The following PRKN variants were observed in gnomAD, a reference collection of about 807,000 sequenced individuals.
PRKN encodes E3 ubiquitin-protein ligase parkin.
In PRKN, 56 loss-of-function variants were observed where a neutral mutation model predicts 59.5. That is an observed-to-expected ratio of 0.94 (90% CI 0.76 to 1.18). The LOEUF (loss-of-function observed/expected upper bound fraction) is 1.18. PRKN is among the 50% of genes most tolerant of loss of function. The pLI, the probability that PRKN is intolerant of heterozygous loss-of-function variation, is 0.00. For missense variants in PRKN, 657 were observed against 596.4 expected (o/e 1.10, Z -1.06); for synonymous variants, 250 against 222.1 (o/e 1.13, Z -1.12).
chr6:161,638,670 A>C (rs1783617010), intron 7 of PRKN, among the ~76,000 whole-genome samples: 1 of 151,126 alleles, frequency 6.6e-6, no homozygotes, highest in African/African-American at 2.4e-5. Context: ...AGTGGGAGGT[A>C]ATTTAACCAT....
At chr6:162,710,041 G>A (rs1409456352) in intron 1 of PRKN, among the ~76,000 whole-genome samples, 1 of 152,110 alleles carries the variant, frequency 6.6e-6, no homozygotes, top group African/African-American at 2.4e-5. Context: ...ATCATGACAA[G>A]GGGGCAGCAA....
chr6:162,623,912 T>A (rs1782776457), intron 1 of PRKN, among the ~76,000 whole-genome samples: 1 of 152,116 alleles, frequency 6.6e-6, no homozygotes. Context: ...CCTAGCTTCA[T>A]TCAGGGTCCT....
intron 2 of PRKN, among the ~76,000 whole-genome samples, chr6:162,386,475 G>C (rs926894889): frequency 6.6e-6 from 1 of 152,176 alleles, no homozygotes; most frequent in Non-Finnish European, 1.5e-5. Flanking sequence ...AGAAACATGA[G>C]AAAGTCCACT....
In PRKN at chr6:161,350,003, C is replaced by T. The variant is rs916630868; in HGVS notation, c.*96G>A. On this transcript the variant is annotated 3_prime_UTR_variant, in exon 12 of 12. Transcript: ENST00000366898. ...TGAAGAGTGTGTGTGCGCGCGCGCG[C>T]GTGTGTGTGTGTGTTTGAAAAGAGA... The T allele has an allele frequency of 2.9e-4, 225 of 787,442 alleles. No homozygotes were observed. The highest frequency in any genetic ancestry group is 4.0e-4 in the Non-Finnish European group (185 of 465,264). 48.8% of individuals were successfully genotyped at this position (787,442 alleles called of 1,614,324 possible). A position where few individuals can be genotyped will look rare whatever the true frequency, so the allele number is the denominator to read the frequency against.
chr6:161,712,716 T>C (rs1044926600), intron 7 of PRKN, among the ~76,000 whole-genome samples: 14 of 152,176 alleles, frequency 9.2e-5, no homozygotes, highest in Admixed American at 2.6e-4. Context: ...TAAAAACATA[T>C]ACGTATATAA....
intron 5 of PRKN, among the ~76,000 whole-genome samples, chr6:162,036,018 CAT>C (rs1398562266): frequency 2.6e-5 from 4 of 152,120 alleles, no homozygotes; most frequent in Non-Finnish European, 5.9e-5. Context: ...ATAACAAAGA[CAT>C]AACGCCATAA....
intron 2 of PRKN, among the ~76,000 whole-genome samples, chr6:162,340,131 C>G (rs1490749751): frequency 9.1e-6 from 1 of 110,136 alleles, no homozygotes; most frequent in Non-Finnish European, 1.8e-5. Flanking sequence ...CAAGAATTAT[C>G]AATAAAAAAA....
chr6:162,624,813 G>T (rs1352416196), intron 1 of PRKN, among the ~76,000 whole-genome samples: 6 of 152,158 alleles, frequency 3.9e-5, no homozygotes, highest in African/African-American at 1.4e-4. Flanking sequence ...GAGACACCAT[G>T]CCCAGCAAGG....
At chr6:162,400,456 T>TAAAAAAAAA (rs750247669) in intron 2 of PRKN, among the ~76,000 whole-genome samples, 55 of 55,446 alleles carry the variant, frequency 9.9e-4, no homozygotes, top group Non-Finnish European at 1.2e-3. Flanking sequence ...CATGTAAATA[T>TAAAAAAAAA]CAAAAAAAAA....
In PRKN at chr6:161,352,798, T is replaced by C. The variant is rs967070060; in HGVS notation, c.1286-2587A>G. Among the ~76,000 whole-genome samples, 2 of 151,022 alleles carry C rather than the reference T, an allele frequency of 1.3e-5. No homozygotes were observed. Among genetic ancestry groups the C allele is most frequent in the South Asian group, 2.1e-4 (1 of 4,780 alleles). ...TTTATTTTATTTTATTTTATTTTTTTGAGATGGAGTCTCGCTCTGTCGCCC... is the reference window on the plus strand; with the variant it reads ...TTTATTTTATTTTATTTTATTTTTTCGAGATGGAGTCTCGCTCTGTCGCCC... On this transcript the variant is annotated intron_variant, in intron 11 of 11. Coordinates refer to ENST00000366898, the MANE Select transcript of PRKN (RefSeq NM_004562.3). This position sits in a 1 kb window ranked among gnomAD's most constrained non-coding sequence, Gnocchi z 5.8.
intron 1 of PRKN, among the ~76,000 whole-genome samples, chr6:162,580,244 C>T (rs1780735741): frequency 6.6e-6 from 1 of 152,032 alleles, no homozygotes; most frequent in South Asian, 2.1e-4. Flanking sequence ...TGAGACCAGC[C>T]TGGGTAACAT....
chr6:162,590,386 A>C (rs1348854102), intron 1 of PRKN, among the ~76,000 whole-genome samples: 1 of 152,238 alleles, frequency 6.6e-6, no homozygotes, highest in Non-Finnish European at 1.5e-5. Flanking sequence ...CGAAAAGCAA[A>C]AGTAATGACC....
intron 1 of PRKN, among the ~76,000 whole-genome samples, chr6:162,694,433 G>A (rs1313844338): frequency 6.6e-6 from 1 of 152,094 alleles, no homozygotes; most frequent in Non-Finnish European, 1.5e-5. Context: ...CACAGTATGT[G>A]TCTTTATGGC....
At chr6:161,885,474 C>T (rs185199629) in intron 6 of PRKN, among the ~76,000 whole-genome samples, 15 of 152,016 alleles carry the variant, frequency 9.9e-5, no homozygotes, top group African/African-American at 2.9e-4. Flanking sequence ...ACCATCCTGG[C>T]TAACACAGTG....
chr6:162,434,406 A>G (rs1307006277), intron 2 of PRKN, among the ~76,000 whole-genome samples: 4 of 152,166 alleles, frequency 2.6e-5, no homozygotes, highest in Non-Finnish European at 1.5e-5. Context: ...TACAAAGGCT[A>G]CTATGGCAAT....
At chr6:161,841,639 C>A (rs1208190540) in intron 6 of PRKN, among the ~76,000 whole-genome samples, 1 of 152,098 alleles carries the variant, frequency 6.6e-6, no homozygotes, top group African/African-American at 2.4e-5. Context: ...TGTGAGCCAC[C>A]ACGCCTGGCC....
rs181732313 is a variant in PRKN, at chr6:161,760,526, C to T, written c.871+25246G>A. 1.6e-3 allele frequency among the ~76,000 whole-genome samples: 247 copies of T among 152,034 alleles called. 5 individuals carry two copies. Among genetic ancestry groups the T allele is most frequent in the Admixed American group, 0.014 (213 of 15,266 alleles). On this transcript the variant is annotated intron_variant, in intron 7 of 11. Transcript: ENST00000366898. ...GGGAGGAGCCTGGCCCCTCCTCCTC[C>T]TGTGTGGAACCCGAGATTCAGGCTG...
intron 6 of PRKN, among the ~76,000 whole-genome samples, chr6:161,958,730 A>G (rs1780272431): frequency 6.6e-6 from 1 of 152,096 alleles, no homozygotes; most frequent in African/African-American, 2.4e-5. Context: ...AATACAAAAA[A>G]TTAGCTGGGC....
At chr6:161,500,864 G>GTTTTTTTTTTTTTTTT (rs373088841) in intron 9 of PRKN, among the ~76,000 whole-genome samples, 1 of 132,544 alleles carries the variant, frequency 7.5e-6, no homozygotes. Flanking sequence ...GTTTAGTTTA[G>GTTTTTTTTTTTTTTTT]TTTTTTTTTT....
Sources: gnomAD v4.1 joint callset for allele counts (sites outside exome capture counted in the v4.1 genomes callset) on GRCh38, gnomAD v4.1.1 for gene constraint, Gnocchi (gnomAD v3.1) non-coding constraint, MANE v1.5 for transcripts, NCBI Gene and HGNC (gene_info 2026-07-23, HGNC 2026-07-21) for gene names.